The following C3orf52 variants were observed in gnomAD, a reference collection of about 807,000 sequenced individuals.
C3orf52 encodes chromosome 3 open reading frame 52.
In C3orf52, 22 loss-of-function variants were observed where a neutral mutation model predicts 24.8. That is an observed-to-expected ratio of 0.89 (90% CI 0.63 to 1.27). The LOEUF is 1.27. C3orf52 is among the 50% of genes most tolerant of loss of function. C3orf52 has a pLI of 0.00. For synonymous variants in C3orf52, 93 were observed against 100.2 expected, an observed-to-expected ratio of 0.93 and a Z score of 0.43; for missense variants, 265 against 260.7, an observed-to-expected ratio of 1.02 and a Z score of -0.11.
chr3:112,091,213 A>G (rs542232408), intron 1 of C3orf52, among the ~76,000 whole-genome samples: 2 of 152,326 alleles, frequency 1.3e-5, no homozygotes, highest in Non-Finnish European at 2.9e-5. Context: ...CTCTACAACT[A>G]AACAGCCCAC....
At chr3:112,109,115 C>T (rs888357088) in intron 3 of C3orf52, among the ~76,000 whole-genome samples, 3 of 152,174 alleles carry the variant, frequency 2.0e-5, no homozygotes, top group Non-Finnish European at 4.4e-5. Flanking sequence ...GGCTGTTTGT[C>T]TTTACACTGA....
chr3:112,116,520 A>G, intron 5 of C3orf52, 122 bp from the exon 6 acceptor site: 2 of 872,520 alleles, frequency 2.3e-6, no homozygotes, highest in Non-Finnish European at 1.7e-6. Context: ...TTAGGAATGT[A>G]TAAACCTTGC....
intron 5 of C3orf52, among the ~76,000 whole-genome samples, chr3:112,114,469 C>T (rs535109041): frequency 6.6e-6 from 1 of 151,028 alleles, no homozygotes; most frequent in Non-Finnish European, 1.5e-5. Context: ...TTTGGGAGGC[C>T]GAGGCAGTTG....
intron 1 of C3orf52, among the ~76,000 whole-genome samples, chr3:112,089,529 C>CAA (rs56236834): frequency 2.1e-5 from 2 of 97,546 alleles, no homozygotes; most frequent in African/African-American, 7.6e-5. Context: ...AACTTCGTCT[C>CAA]AAAAAAAAAA....
intron 2 of C3orf52, among the ~76,000 whole-genome samples, chr3:112,098,310 C>A (rs1020734088): frequency 1.3e-5 from 2 of 152,242 alleles, no homozygotes; most frequent in Non-Finnish European, 2.9e-5. Flanking sequence ...TCTTCTGAGT[C>A]TATAGAACTC....
Position 112,103,425 on chromosome 3 carries a change from A to G in C3orf52, c.396+460A>G, listed in dbSNP as rs537064624. On this transcript the variant is annotated intron_variant, in intron 3 of 5. Coordinates refer to ENST00000264848, the MANE Select transcript of C3orf52 (RefSeq NM_024616.3). ...TTACTGTAGTGCAAAGCCAGAGGGA[A>G]GATTCCTGGCCTCCAGCTGCATAAA... is the stretch of plus-strand genomic sequence containing the variant. Among the ~76,000 whole-genome samples the G allele has an allele frequency of 9.2e-5, 14 of 152,338 alleles. No individual in the cohort carries two copies. In the East Asian group the frequency reaches 2.1e-3, roughly 23 times the overall value.
downstream of C3orf52, chr3:112,130,768 C>T (rs2074434338): frequency 2.0e-6 from 1 of 511,762 alleles, no homozygotes; most frequent in Non-Finnish European, 3.6e-6. Flanking sequence ...CCTAAATCAT[C>T]TGATCCCAAA....
chr3:112,095,127 A>G (rs1485746789), intron 2 of C3orf52, among the ~76,000 whole-genome samples: 2 of 152,140 alleles, frequency 1.3e-5, no homozygotes, highest in African/African-American at 4.8e-5. Context: ...CACCATATCT[A>G]CGTATTTACT....
intron 5 of C3orf52, among the ~76,000 whole-genome samples, chr3:112,113,583 G>A (rs928861884): frequency 1.3e-5 from 2 of 152,110 alleles, no homozygotes; most frequent in African/African-American, 4.8e-5. Flanking sequence ...TCAATATGGG[G>A]AACCTATTTC....
At chr3:112,115,334 G>C (rs896525457) in intron 5 of C3orf52, among the ~76,000 whole-genome samples, 2 of 152,130 alleles carry the variant, frequency 1.3e-5, no homozygotes, top group African/African-American at 2.4e-5. Context: ...TCTAGAGAAA[G>C]GGAAAATGTG....
At chr3:112,126,352 C>T (rs1424892159) in intron 4 of C3orf52, among the ~76,000 whole-genome samples, 1 of 152,158 alleles carries the variant, frequency 6.6e-6, no homozygotes, top group African/African-American at 2.4e-5. Context: ...ATGGCTTGTC[C>T]TCAGGCCTAC....
intron 1 of C3orf52, among the ~76,000 whole-genome samples, chr3:112,092,183 C>G (rs916936483): frequency 2.6e-5 from 4 of 152,112 alleles, no homozygotes; most frequent in African/African-American, 9.7e-5. Flanking sequence ...TTAGCAGATG[C>G]TTTGTGTCCA....
intron 3 of C3orf52, 138 bp downstream of exon 3, chr3:112,103,103 T>C (rs373342434): frequency 1.2e-5 from 9 of 733,176 alleles, no homozygotes; most frequent in African/African-American, 5.5e-5. Flanking sequence ...AAATGATGCT[T>C]ATAAATATAT....
chr3:112,133,068 C>G (rs2074496886), downstream of C3orf52: 1 of 1,611,318 alleles, frequency 6.2e-7, no homozygotes, highest in African/African-American at 1.3e-5. Context: ...CTCCTCTGCT[C>G]TCCCACAGGG....
At chr3:112,131,852 G>A (rs975366825), downstream of C3orf52, among the ~76,000 whole-genome samples, 5 of 152,080 alleles carry the variant, frequency 3.3e-5, no homozygotes, top group African/African-American at 1.2e-4. Flanking sequence ...ATTTAAAATC[G>A]AATTTTCTTT....
rs779303098 is a variant in C3orf52, at chr3:112,128,042, C to T, written c.*47-191C>T. ...CATGGAAGGCAGAAACACCCTTCAG[C>T]GATATGGTGATCCCAGCATCTAAAA... On this transcript the variant is annotated intron_variant, in intron 4 of 4. Transcript: ENST00000480282. 29 of 1,613,614 alleles carry T rather than the reference C, an allele frequency of 1.8e-5. No individual in the cohort carries two copies. The highest frequency in any genetic ancestry group is 4.5e-5 in the East Asian group (2 of 44,842).
At chr3:112,125,184 C>T (rs201132971) in intron 4 of C3orf52, 239 of 1,341,788 alleles carry the variant, frequency 1.8e-4, no homozygotes, top group Non-Finnish European at 2.5e-4. Context: ...GTCTGTACTT[C>T]TATCATCATC....
chr3:112,105,777 C>T (rs1392217491), intron 3 of C3orf52, among the ~76,000 whole-genome samples: 3 of 148,134 alleles, frequency 2.0e-5, no homozygotes, highest in African/African-American at 5.0e-5. Context: ...GAGCCGAGAC[C>T]GTGCCACTGC....
At chr3:112,131,388 G>C (rs1283692171), downstream of C3orf52, among the ~76,000 whole-genome samples, 1 of 152,152 alleles carries the variant, frequency 6.6e-6, no homozygotes, top group African/African-American at 2.4e-5. Flanking sequence ...GGTTGGGGGG[G>C]TATGCTGACT....
Sources: gnomAD v4.1 joint callset for allele counts (sites outside exome capture counted in the v4.1 genomes callset) on GRCh38, gnomAD v4.1.1 for gene constraint, MANE v1.5 for transcripts, NCBI Gene and HGNC (gene_info 2026-07-23, HGNC 2026-07-21) for gene names.